TSPAN9: variants seen among roughly 807,000 people sequenced by gnomAD.
TSPAN9 encodes the protein tetraspanin-9.
In TSPAN9, 16 loss-of-function variants were observed where a neutral mutation model predicts 31.0. The ratio of observed to expected loss-of-function variants is 0.52; its 90% confidence interval spans 0.35 to 0.78. The LOEUF (loss-of-function observed/expected upper bound fraction) is 0.78. Among genes scored for constraint, TSPAN9 ranks in the 30% least tolerant of loss-of-function variants. The pLI, the probability that TSPAN9 is intolerant of heterozygous loss-of-function variation, is 0.01. For missense variants in TSPAN9, 272 were observed against 312.5 expected (o/e 0.87, Z 0.98); for synonymous variants, 145 against 121.6 (o/e 1.19, Z -1.27).
intron 3 of TSPAN9, among the ~76,000 whole-genome samples, chr12:3,271,180 G>A (rs1018830916): frequency 6.6e-6 from 1 of 152,232 alleles, no homozygotes; most frequent in South Asian, 2.1e-4. Context: ...GGGCTGCAAA[G>A]TGAAGGTATG....
intron 3 of TSPAN9, among the ~76,000 whole-genome samples, chr12:3,220,002 A>G (rs1325250215): frequency 6.6e-6 from 1 of 152,038 alleles, no homozygotes; most frequent in East Asian, 1.9e-4. Context: ...TAAAAATACA[A>G]AAAGTAGTGG....
At chr12:3,106,130 A>G (rs1438913133) in intron 2 of TSPAN9, among the ~76,000 whole-genome samples, 1 of 152,154 alleles carries the variant, frequency 6.6e-6, no homozygotes, top group Admixed American at 6.5e-5. Flanking sequence ...TGTGGCTCTC[A>G]CACACACGTG....
At chr12:3,105,820 G>A (rs895826689) in intron 2 of TSPAN9, among the ~76,000 whole-genome samples, 26 of 120,748 alleles carry the variant, frequency 2.2e-4, no homozygotes, top group Middle Eastern at 4.9e-3. Context: ...ACACGCACAC[G>A]CGCACACACA....
At chr12:3,250,638 C>G (rs890947005) in intron 3 of TSPAN9, among the ~76,000 whole-genome samples, 1 of 152,242 alleles carries the variant, frequency 6.6e-6, no homozygotes, top group Non-Finnish European at 1.5e-5. Context: ...CCTTCTCCCA[C>G]TCCCAGGCCT....
At position 3,253,689 on chromosome 12, in the gene TSPAN9, G is replaced by A. The variant is rs75465747; in HGVS notation, c.64-24732G>A. Among the ~76,000 whole-genome samples the A allele has an allele frequency of 5.1e-3, 773 of 152,376 alleles. 8 individuals are homozygous for A. Among genetic ancestry groups the A allele is most frequent in the African/African-American group, 0.018 (737 of 41,590 alleles). On this transcript the variant is annotated intron_variant, in intron 3 of 8. Coordinates refer to ENST00000011898, the MANE Select transcript of TSPAN9 (RefSeq NM_006675.5). ...TTAAAGGTCCACAGGGTGACAGGTG[G>A]GAATTGGGATCTGGCGACTGCCCTT...
At position 3,192,513 on chromosome 12, in the gene TSPAN9, A is replaced by G. The variant is rs1168753244; in HGVS notation, c.-17-8664A>G. Among the ~76,000 whole-genome samples the G allele has an allele frequency of 6.6e-6, 1 of 152,162 alleles. No individual in the cohort carries two copies. The highest frequency in any genetic ancestry group is 1.5e-5 in the Non-Finnish European group (1 of 68,030). On this transcript the variant is annotated intron_variant, in intron 2 of 8. Coordinates refer to ENST00000011898, the MANE Select transcript of TSPAN9 (RefSeq NM_006675.5). This position sits in a 1 kb window ranked among gnomAD's most constrained non-coding sequence, Gnocchi z 4.6. ...CAAGGATGAGTCTGAGGCTTCTGGC[A>G]TAAGCAGTGGGGTGAAAACTTAAGC...
rs763113796 is a variant in TSPAN9 at position 3,285,492 on chromosome 12, C to G, written c.*2376C>G. On this transcript the variant is annotated 3_prime_UTR_variant, in exon 9 of 9. Transcript: ENST00000011898. ...GCAGAGCCTCATCTACAGGTCCCCACGCTGCCTTCTTTACTCACTCTGCGC... is the reference window on the plus strand; with the variant it reads ...GCAGAGCCTCATCTACAGGTCCCCAGGCTGCCTTCTTTACTCACTCTGCGC... 6.6e-6 allele frequency: 1 copy of G among 152,242 alleles called. No individual in the cohort carries two copies. Among genetic ancestry groups the G allele is most frequent in the East Asian group, 1.9e-4 (1 of 5,178 alleles). 9.4% of individuals were successfully genotyped at this position (152,242 alleles called of 1,614,324 possible).
chr12:3,163,129 A>G (rs533949008), intron 2 of TSPAN9, among the ~76,000 whole-genome samples: 2 of 152,240 alleles, frequency 1.3e-5, no homozygotes, highest in African/African-American at 4.8e-5. Flanking sequence ...AGTCCCCAGC[A>G]TCTAGACACT....
At chr12:3,240,831 G>A (rs1029561697) in intron 3 of TSPAN9, among the ~76,000 whole-genome samples, 1 of 152,140 alleles carries the variant, frequency 6.6e-6, no homozygotes, top group Non-Finnish European at 1.5e-5. Flanking sequence ...TGGCTTGCTG[G>A]CTGTTGCTGT....
chr12:3,129,911 G>A (rs1305612082), intron 2 of TSPAN9, among the ~76,000 whole-genome samples: 1 of 152,278 alleles, frequency 6.6e-6, no homozygotes, highest in African/African-American at 2.4e-5. Context: ...GTTCATCCCT[G>A]ACCAACCCCT....
chr12:3,121,408 A>G (rs961943895), intron 2 of TSPAN9, among the ~76,000 whole-genome samples: 1 of 137,958 alleles, frequency 7.2e-6, no homozygotes, highest in East Asian at 2.2e-4. Flanking sequence ...TGCCCAGGCC[A>G]GAGTGCAGTG....
intron 3 of TSPAN9, among the ~76,000 whole-genome samples, chr12:3,265,862 C>T (rs1478789389): frequency 6.6e-6 from 1 of 152,212 alleles, no homozygotes; most frequent in Non-Finnish European, 1.5e-5. Flanking sequence ...GCTCTGTCAG[C>T]TCCATGTGTG....
In TSPAN9 at chr12:3,268,184, G is replaced by A. The variant is rs940840021; in HGVS notation, c.64-10237G>A. 6.2e-4 allele frequency among the ~76,000 whole-genome samples: 91 copies of A among 146,374 alleles called. 6 individuals carry two copies. Among genetic ancestry groups the A allele is most frequent in the African/African-American group, 2.1e-3 (85 of 39,548 alleles). On this transcript the variant is annotated intron_variant, in intron 3 of 8. Transcript: ENST00000011898. ...CATTCCTGCAGCCTACCCTCCGTGC[G>A]TTCCTGCAGCCTGCCCTCTGTGCGT... is the stretch of plus-strand genomic sequence containing the variant.
intron 1 of TSPAN9, among the ~76,000 whole-genome samples, chr12:3,082,644 A>T (rs2098298491): frequency 6.6e-6 from 1 of 152,060 alleles, no homozygotes; most frequent in African/African-American, 2.4e-5. Flanking sequence ...CTTGTGAGGG[A>T]TGGTGAGGAG....
At chr12:3,196,969 C>T (rs573366777) in intron 2 of TSPAN9, among the ~76,000 whole-genome samples, 5 of 152,180 alleles carry the variant, frequency 3.3e-5, no homozygotes, top group African/African-American at 9.7e-5. Flanking sequence ...GGGGGCCACC[C>T]TGCGAGGGCC....
At chr12:3,183,103 A>G (rs1216006391) in intron 2 of TSPAN9, among the ~76,000 whole-genome samples, 1 of 152,032 alleles carries the variant, frequency 6.6e-6, no homozygotes, top group Non-Finnish European at 1.5e-5. Flanking sequence ...AAGTAGGAGC[A>G]CCCGCGGTGG....
chr12:3,185,071 G>A (rs963070747), intron 2 of TSPAN9, among the ~76,000 whole-genome samples: 1 of 152,176 alleles, frequency 6.6e-6, no homozygotes, highest in Non-Finnish European at 1.5e-5. Flanking sequence ...GATAAGAGTA[G>A]TGAAGACTGT....
intron 3 of TSPAN9, among the ~76,000 whole-genome samples, chr12:3,250,146 T>C (rs925396235): frequency 7.9e-5 from 12 of 152,182 alleles, no homozygotes; most frequent in African/African-American, 2.9e-4. Flanking sequence ...ATGGCCCTTG[T>C]GTCTCTCTCC....
At chr12:3,130,923 A>G (rs1169785605) in intron 2 of TSPAN9, among the ~76,000 whole-genome samples, 1 of 151,380 alleles carries the variant, frequency 6.6e-6, no homozygotes, top group East Asian at 1.9e-4. Context: ...AGCAAAGCCC[A>G]CTCTCGGGAA....
Sources: gnomAD v4.1 joint callset for allele counts (sites outside exome capture counted in the v4.1 genomes callset) on GRCh38, gnomAD v4.1.1 for gene constraint, Gnocchi (gnomAD v3.1) non-coding constraint, MANE v1.5 for transcripts, NCBI Gene and HGNC (gene_info 2026-07-23, HGNC 2026-07-21) for gene names.